CRISPLD2: variants seen among roughly 807,000 people sequenced by gnomAD.
The protein encoded by CRISPLD2 is cysteine-rich secretory protein LCCL domain-containing 2.
Under a neutral mutation model 71.1 loss-of-function variants are expected in CRISPLD2, and 47 were observed. The observed-to-expected ratio is 0.66, with a 90% CI of 0.52 to 0.84. CRISPLD2 has a LOEUF of 0.84. Ranked by LOEUF, CRISPLD2 falls within the 40% of genes least tolerant of loss-of-function variation. The probability of loss-of-function intolerance (pLI) is 0.00; values close to 1 mark genes in which losing one functional copy is unlikely to be tolerated. For synonymous variants in CRISPLD2, 317 were observed against 250.1 expected, an observed-to-expected ratio of 1.27 and a Z score of -2.52; for missense variants, 830 against 651.1, an observed-to-expected ratio of 1.27 and a Z score of -2.99.
intron 6 of CRISPLD2, among the ~76,000 whole-genome samples, chr16:84,860,718 C>T (rs898873469): frequency 1.3e-5 from 2 of 152,174 alleles, no homozygotes; most frequent in Admixed American, 6.5e-5. Context: ...CCACACTTCC[C>T]CATTCTTTTC....
chr16:84,895,887 C>T (rs2071701481), intron 14 of CRISPLD2, among the ~76,000 whole-genome samples: 1 of 152,032 alleles, frequency 6.6e-6, no homozygotes, highest in East Asian at 1.9e-4. Flanking sequence ...CTTTGAGGAA[C>T]CCAGTTTACA....
intron 8 of CRISPLD2, among the ~76,000 whole-genome samples, chr16:84,870,370 A>C (rs181410132): frequency 4.1e-4 from 62 of 151,998 alleles, no homozygotes; most frequent in Non-Finnish European, 8.1e-4. Flanking sequence ...CCCAGGCTGA[A>C]GTGCAGCAGC....
intron 6 of CRISPLD2, among the ~76,000 whole-genome samples, chr16:84,855,304 A>G (rs905852826): frequency 6.6e-6 from 1 of 152,170 alleles, no homozygotes; most frequent in Non-Finnish European, 1.5e-5. Flanking sequence ...ATATGAGTTT[A>G]TTAAGGAGTA....
chr16:84,867,647 A>G (rs1597467424), intron 7 of CRISPLD2, among the ~76,000 whole-genome samples: 1 of 152,248 alleles, frequency 6.6e-6, no homozygotes, highest in East Asian at 1.9e-4. Context: ...GCTCACTGCA[A>G]CCTTTGCCTT....
At position 84,826,752 on chromosome 16, in the gene CRISPLD2, G is replaced by A. The variant is rs116810107; in HGVS notation, c.-75+6619G>A. Among the ~76,000 whole-genome samples, 1,305 of 152,280 alleles carry A rather than the reference G, an allele frequency of 8.6e-3. 18 individuals are homozygous for A. Among genetic ancestry groups the A allele is most frequent in the African/African-American group, 0.03 (1,231 of 41,536 alleles). On this transcript the variant is annotated intron_variant, in intron 1 of 14. Coordinates refer to ENST00000262424, the MANE Select transcript of CRISPLD2 (RefSeq NM_031476.4). ...TGGGCCCTGTCTAGGAGAGTCGTGT[G>A]CGGGTCCAAGGGGGAGGCCCCACCG... is the stretch of plus-strand genomic sequence containing the variant.
At chr16:84,845,946 C>G (rs765386696) in intron 3 of CRISPLD2, 42 bp downstream of exon 3, 3 of 1,341,222 alleles carry the variant, frequency 2.2e-6, no homozygotes, top group African/African-American at 2.9e-5. Context: ...CAGGACCCCA[C>G]TGCCGTGTGC....
intron 13 of CRISPLD2, 27 bp from the exon 14 acceptor site, chr16:84,889,203 T>G (rs1376167397): frequency 6.2e-6 from 10 of 1,613,742 alleles, no homozygotes; most frequent in Non-Finnish European, 8.5e-6. Context: ...TCCGCATCGC[T>G]GATCACAGCC....
intron 3 of CRISPLD2, among the ~76,000 whole-genome samples, chr16:84,847,876 T>A (rs185351703): frequency 1.8e-4 from 28 of 152,302 alleles, no homozygotes; most frequent in Admixed American, 9.8e-4. Flanking sequence ...AGTGATACAG[T>A]TGTCATGAAT....
At chr16:84,847,912 C>G (rs1269072846) in intron 3 of CRISPLD2, among the ~76,000 whole-genome samples, 1 of 152,192 alleles carries the variant, frequency 6.6e-6, no homozygotes, top group African/African-American at 2.4e-5. Flanking sequence ...CCCTAATGAT[C>G]CCTCTGTGGA....
intron 6 of CRISPLD2, among the ~76,000 whole-genome samples, chr16:84,866,140 A>G (rs999581174): frequency 6.6e-6 from 1 of 152,100 alleles, no homozygotes; most frequent in Admixed American, 6.5e-5. Context: ...TGTGTGCATG[A>G]TGAGGAAGAC....
chr16:84,861,813 G>C (rs543685000), intron 6 of CRISPLD2, among the ~76,000 whole-genome samples: 4 of 152,134 alleles, frequency 2.6e-5, no homozygotes, highest in Non-Finnish European at 5.9e-5. Context: ...TGTGGTCCTG[G>C]CTGTGGCCTG....
intron 6 of CRISPLD2, among the ~76,000 whole-genome samples, chr16:84,863,741 G>A (rs1298304547): frequency 6.6e-6 from 1 of 152,056 alleles, no homozygotes; most frequent in Non-Finnish European, 1.5e-5. Context: ...AGGCTGAGGC[G>A]GGCAGATCAC....
At chr16:84,828,089 G>A (rs1916399627) in intron 1 of CRISPLD2, among the ~76,000 whole-genome samples, 1 of 152,140 alleles carries the variant, frequency 6.6e-6, no homozygotes, top group Middle Eastern at 3.2e-3. Flanking sequence ...AGGACTCCTG[G>A]GATTTTCACC....
intron 2 of CRISPLD2, among the ~76,000 whole-genome samples, chr16:84,843,992 C>G (rs145425723): frequency 6.6e-6 from 1 of 152,360 alleles, no homozygotes; most frequent in East Asian, 1.9e-4. Context: ...ACAGGACTGT[C>G]TTCCCTGAGC....
chr16:84,898,043 A>G (rs979028955), intron 14 of CRISPLD2, among the ~76,000 whole-genome samples: 1 of 152,268 alleles, frequency 6.6e-6, no homozygotes, highest in African/African-American at 2.4e-5. Flanking sequence ...ATTCGGAGGC[A>G]TGGAGAGACC....
intron 14 of CRISPLD2, among the ~76,000 whole-genome samples, chr16:84,897,819 G>C (rs902123637): frequency 6.6e-6 from 1 of 152,212 alleles, no homozygotes. Flanking sequence ...GTTTCGCCAT[G>C]TTGGCCAGGC....
intron 6 of CRISPLD2, among the ~76,000 whole-genome samples, chr16:84,858,117 C>T (rs1261539042): frequency 6.6e-6 from 1 of 152,184 alleles, no homozygotes; most frequent in African/African-American, 2.4e-5. Context: ...GAGGCCTCTG[C>T]TGTGATTCAC....
intron 13 of CRISPLD2, among the ~76,000 whole-genome samples, chr16:84,881,632 T>G (rs941948824): frequency 1.7e-4 from 16 of 91,502 alleles, no homozygotes; most frequent in African/African-American, 9.0e-4. Flanking sequence ...CTCTAGCTAA[T>G]GTTTTTTATT....
intron 2 of CRISPLD2, among the ~76,000 whole-genome samples, chr16:84,844,184 G>A (rs1438540714): frequency 6.6e-6 from 1 of 152,208 alleles, no homozygotes; most frequent in Non-Finnish European, 1.5e-5. Context: ...CTCTGTTCAT[G>A]GAATTCTCTC....
Sources: allele counts gnomAD v4.1 joint callset (sites outside exome capture counted in the v4.1 genomes callset), GRCh38; gene constraint gnomAD v4.1.1; transcripts MANE v1.5; gene names NCBI Gene and HGNC (gene_info 2026-07-23, HGNC 2026-07-21).